The following NT5DC3 variants were observed in gnomAD, a reference collection of about 807,000 sequenced individuals.
NT5DC3 encodes the protein 5'-nucleotidase domain-containing protein 3.
In NT5DC3, 42 loss-of-function variants were observed where a neutral mutation model predicts 67.8. The ratio of observed to expected loss-of-function variants is 0.62; its 90% CI spans 0.48 to 0.80. The LOEUF (loss-of-function observed/expected upper bound fraction) is 0.80. Ranked by LOEUF, NT5DC3 falls within the 30% of genes least tolerant of loss-of-function variation. The probability of loss-of-function intolerance (pLI) is 0.00; values close to 1 mark genes in which losing one functional copy is unlikely to be tolerated. For synonymous variants in NT5DC3, 237 were observed against 255.6 expected (o/e 0.93, Z 0.69); for missense variants, 570 against 696.4 (o/e 0.82, Z 2.04).
the NT5DC3 span, among the ~76,000 whole-genome samples, chr12:103,764,649 T>C: frequency 1.3e-5 from 2 of 151,560 alleles, no homozygotes; most frequent in Admixed American, 1.3e-4. Context: ...GTGTAACAGA[T>C]ATTATTTTTC....
At chr12:103,750,697 A>C in the NT5DC3 span, 1 of 1,613,978 alleles carries the variant, frequency 6.2e-7, no homozygotes, top group South Asian at 1.1e-5. Flanking sequence ...GCAGACGCCA[A>C]ATGTGTCGAC....
At chr12:103,798,530 G>T in intron 5 of NT5DC3, 57 bp downstream of exon 5, 2 of 1,212,920 alleles carry the variant, frequency 1.6e-6, no homozygotes, top group Non-Finnish European at 2.4e-6. Flanking sequence ...AGTTCGACAA[G>T]GCCATGTTTC....
intron 6 of NT5DC3, among the ~76,000 whole-genome samples, chr12:103,795,643 T>A (rs1440233107): frequency 6.6e-6 from 1 of 152,058 alleles, no homozygotes; most frequent in Non-Finnish European, 1.5e-5. Context: ...TATTTTAATG[T>A]GTAAATATGT....
chr12:103,805,298 T>C (rs1330005635), intron 4 of NT5DC3, among the ~76,000 whole-genome samples: 1 of 152,148 alleles, frequency 6.6e-6, no homozygotes, highest in African/African-American at 2.4e-5. Flanking sequence ...TTTAAAGGTT[T>C]TAGGGGCAGA....
At chr12:103,798,930 T>G (rs1481663592) in intron 4 of NT5DC3, among the ~76,000 whole-genome samples, 1 of 152,234 alleles carries the variant, frequency 6.6e-6, no homozygotes, top group African/African-American at 2.4e-5. Flanking sequence ...AGGCCAGATA[T>G]GAATTACACC....
At chr12:103,766,163 C>A (rs1456117611), downstream of NT5DC3, 3 of 1,316,684 alleles carry the variant, frequency 2.3e-6, no homozygotes, top group Non-Finnish European at 3.3e-6. Flanking sequence ...ACAAACACGC[C>A]CAGCACATAC....
chr12:103,825,075 G>GCC (rs141440230), intron 1 of NT5DC3, among the ~76,000 whole-genome samples: 5 of 152,126 alleles, frequency 3.3e-5, no homozygotes, highest in Admixed American at 6.5e-5. Context: ...GGCTGGGCAT[G>GCC]CCCCCCCGGG....
chr12:103,761,256 C>T, the NT5DC3 span: 23 of 1,574,104 alleles, frequency 1.5e-5, no homozygotes, highest in Non-Finnish European at 2.0e-5. Context: ...GAGGGCTGCC[C>T]ACTCGGAGAG....
rs536280266 is a variant in NT5DC3 at position 103,772,552 on chromosome 12, G to A, written c.*5277C>T. On this transcript the variant is annotated 3_prime_UTR_variant, in exon 14 of 14. Coordinates refer to ENST00000392876, the MANE Select transcript of NT5DC3 (RefSeq NM_001031701.3). ...AGCACTGTCGCAGGTTGGGTTCCCC[G>A]AAAGCAGATACTGAGGTGGAGAATG... The A allele has an allele frequency of 3.9e-5, 6 of 152,274 alleles. No individual in the cohort carries two copies. The highest frequency in any genetic ancestry group is 3.8e-4 in the East Asian group (2 of 5,204). 9.4% of individuals were successfully genotyped at this position (152,274 alleles called of 1,614,324 possible).
At chr12:103,749,304 G>A in the NT5DC3 span, 97,785 of 919,980 alleles carry the variant, frequency 0.11, 6,266 homozygotes, top group East Asian at 0.26. Flanking sequence ...AAGTCATTGG[G>A]CTAAATGCAA....
At chr12:103,746,332 T>C in the NT5DC3 span, 1 of 305,840 alleles carries the variant, frequency 3.3e-6, no homozygotes, top group East Asian at 6.6e-5. Flanking sequence ...GTATAAAGTT[T>C]TAATTGATAG....
chr12:103,818,894 C>T (rs1013509114), intron 1 of NT5DC3, among the ~76,000 whole-genome samples: 5 of 152,110 alleles, frequency 3.3e-5, no homozygotes, highest in Non-Finnish European at 5.9e-5. Flanking sequence ...CACGTGGCAT[C>T]GTCCATATGA....
At chr12:103,813,669 G>A (rs1887128104) in intron 2 of NT5DC3, among the ~76,000 whole-genome samples, 1 of 152,162 alleles carries the variant, frequency 6.6e-6, no homozygotes, top group Admixed American at 6.5e-5. Context: ...CCCACCTGGG[G>A]TAACATCTTC....
intron 3 of NT5DC3, 46 bp from the exon 4 acceptor site, chr12:103,806,423 T>C (rs1246222627): frequency 7.2e-7 from 1 of 1,379,896 alleles, no homozygotes; most frequent in Non-Finnish European, 1.0e-6. Flanking sequence ...GTATGACTAT[T>C]TGCATATTAC....
At chr12:103,766,182 A>C, downstream of NT5DC3, 1 of 1,438,848 alleles carries the variant, frequency 7.0e-7, no homozygotes, top group African/African-American at 1.4e-5. Flanking sequence ...ACGTGTTCAC[A>C]GTGCTCAGGG....
At chr12:103,768,725 C>G (rs1885119890), downstream of NT5DC3, 1 of 147,478 alleles carries the variant, frequency 6.8e-6, no homozygotes, top group African/African-American at 2.5e-5. Context: ...CAACTGTAGG[C>G]TCCCTTACTT....
chr12:103,760,091 C>T, the NT5DC3 span, among the ~76,000 whole-genome samples: 2 of 152,214 alleles, frequency 1.3e-5, no homozygotes, highest in Non-Finnish European at 2.9e-5. Flanking sequence ...TACTCCCAGT[C>T]TCCAGTAAGG....
chr12:103,810,098 C>G (rs995295522), intron 2 of NT5DC3, among the ~76,000 whole-genome samples: 5 of 152,178 alleles, frequency 3.3e-5, no homozygotes, highest in Non-Finnish European at 7.3e-5. Context: ...TGAGTGGCTT[C>G]GCTGGATTGA....
chr12:103,782,790 C>A (rs1276522190), intron 12 of NT5DC3, among the ~76,000 whole-genome samples: 2 of 152,170 alleles, frequency 1.3e-5, no homozygotes, highest in Non-Finnish European at 2.9e-5. Context: ...AGTTTGAGAC[C>A]AGCCTGGCTA....
Sources: gnomAD v4.1 joint callset for allele counts (sites outside exome capture counted in the v4.1 genomes callset) on GRCh38, gnomAD v4.1.1 for gene constraint, MANE v1.5 for transcripts, NCBI Gene and HGNC (gene_info 2026-07-23, HGNC 2026-07-21) for gene names.